Variants in STXBP5L observed in about 807,000 individuals in gnomAD.
STXBP5L encodes the protein syntaxin-binding protein 5-like.
STXBP5L carries 65 observed loss-of-function variants against 144.5 expected under a neutral mutation model. That is an observed-to-expected ratio of 0.45 (90% confidence interval 0.37 to 0.55). The LOEUF is 0.55. STXBP5L is among the 20% of genes least tolerant of loss of function. The pLI is 0.00. For missense variants in STXBP5L, 1,298 were observed against 1,405.5 expected (o/e 0.92, Z 1.22); for synonymous variants, 505 against 469.6 (o/e 1.08, Z -0.97).
chr3:121,136,315 C>A (rs987845662), intron 7 of STXBP5L, among the ~76,000 whole-genome samples: 1 of 152,164 alleles, frequency 6.6e-6, no homozygotes, highest in Non-Finnish European at 1.5e-5. Flanking sequence ...CTCCCCACCA[C>A]AGCTCCTGAC....
intron 3 of STXBP5L, among the ~76,000 whole-genome samples, chr3:120,967,905 C>T (rs1014696440): frequency 2.0e-5 from 3 of 152,044 alleles, no homozygotes; most frequent in Admixed American, 6.6e-5. Context: ...TGATTTTGTA[C>T]AGTTTCTGAT....
chr3:121,069,373 G>C (rs1255072490), intron 5 of STXBP5L, among the ~76,000 whole-genome samples: 1 of 152,012 alleles, frequency 6.6e-6, no homozygotes, highest in Non-Finnish European at 1.5e-5. Flanking sequence ...AGTGACTACA[G>C]TTTATTTAAC....
chr3:121,007,610 A>T (rs927666250), intron 3 of STXBP5L, among the ~76,000 whole-genome samples: 1 of 152,072 alleles, frequency 6.6e-6, no homozygotes, highest in Non-Finnish European at 1.5e-5. Flanking sequence ...ACTCTGTTAA[A>T]TCATTACTTG....
chr3:121,122,724 T>G (rs1029709683), intron 7 of STXBP5L, among the ~76,000 whole-genome samples: 5 of 151,452 alleles, frequency 3.3e-5, no homozygotes, highest in Non-Finnish European at 5.9e-5. Context: ...TAATAAACAT[T>G]AAAATTACAA....
chr3:121,292,295 C>T (rs1284008823), intron 19 of STXBP5L, among the ~76,000 whole-genome samples: 1 of 151,936 alleles, frequency 6.6e-6, no homozygotes, highest in African/African-American at 2.4e-5. Context: ...CGTAAAAATG[C>T]TTATCACTAA....
Position 121,348,661 on chromosome 3 carries a change from C to T in STXBP5L, c.2177-30055C>T, listed in dbSNP as rs1194403440. ...CCTGTTATTGGTCTATTCAGAGATT[C>T]AACTTCTTCCTGGTTTAGTCTTGGG... On this transcript the variant is annotated intron_variant, in intron 20 of 26. Coordinates refer to ENST00000471454, the MANE Select transcript of STXBP5L (RefSeq NM_001308330.2). Among the ~76,000 whole-genome samples, 5 of 152,098 alleles carry T rather than the reference C, an allele frequency of 3.3e-5. 1 individual carries two copies. In the South Asian group the frequency reaches 6.3e-4, roughly 19 times the overall value.
intron 11 of STXBP5L, among the ~76,000 whole-genome samples, chr3:121,223,447 T>C (rs1031080470): frequency 6.6e-6 from 1 of 152,144 alleles, no homozygotes; most frequent in Non-Finnish European, 1.5e-5. Flanking sequence ...GTGAAATCAC[T>C]TGGGGAAGCT....
chr3:121,165,120 T>C (rs776703113), intron 9 of STXBP5L, among the ~76,000 whole-genome samples: 4 of 152,254 alleles, frequency 2.6e-5, no homozygotes, highest in Non-Finnish European at 4.4e-5. Flanking sequence ...GTACATTCCA[T>C]AACGTCATGT....
At chr3:121,237,008 T>C (rs1039048242) in intron 12 of STXBP5L, among the ~76,000 whole-genome samples, 10 of 152,182 alleles carry the variant, frequency 6.6e-5, no homozygotes, top group African/African-American at 2.2e-4. Flanking sequence ...CCTGGGAACA[T>C]TGGTGCAAGG....
At chr3:121,031,135 TG>T (rs1211530160) in intron 3 of STXBP5L, among the ~76,000 whole-genome samples, 1 of 152,032 alleles carries the variant, frequency 6.6e-6, no homozygotes, top group Non-Finnish European at 1.5e-5. Flanking sequence ...ATAAACCACA[TG>T]ATTAAAACCC....
chr3:121,366,339 G>T (rs1249164471), intron 20 of STXBP5L, among the ~76,000 whole-genome samples: 2 of 151,822 alleles, frequency 1.3e-5, no homozygotes, highest in Non-Finnish European at 2.9e-5. Flanking sequence ...CTATTTTTCA[G>T]TGTGGAATAT....
chr3:121,255,202 TG>T (rs2050164996), intron 16 of STXBP5L, 90 bp downstream of exon 16: 9 of 978,246 alleles, frequency 9.2e-6, no homozygotes, highest in Middle Eastern at 3.0e-4. Flanking sequence ...ATGGTTTCCA[TG>T]AAGTGTGCAG....
intron 7 of STXBP5L, 130 bp from the exon 8 acceptor site, chr3:121,152,347 G>T: frequency 1.5e-6 from 1 of 662,202 alleles, no homozygotes; most frequent in Non-Finnish European, 2.4e-6. Context: ...CTATATTCAA[G>T]TTCTAGAAAA....
chr3:121,131,992 T>C (rs1577031325), intron 7 of STXBP5L, among the ~76,000 whole-genome samples: 1 of 152,250 alleles, frequency 6.6e-6, no homozygotes, highest in East Asian at 1.9e-4. Context: ...AAGGAGAGAT[T>C]TCCTAGGTTG....
chr3:120,941,991 G>T (rs190986715), intron 2 of STXBP5L, among the ~76,000 whole-genome samples: 1 of 151,872 alleles, frequency 6.6e-6, no homozygotes. Flanking sequence ...AAGCTGTGGT[G>T]TTGGCTTAGC....
At chr3:121,302,727 C>A (rs1324523759) in intron 19 of STXBP5L, among the ~76,000 whole-genome samples, 1 of 152,108 alleles carries the variant, frequency 6.6e-6, no homozygotes, top group Non-Finnish European at 1.5e-5. Flanking sequence ...AATAATGCCA[C>A]CTGTCTACAA....
intron 20 of STXBP5L, among the ~76,000 whole-genome samples, chr3:121,344,108 A>G (rs1420542570): frequency 6.6e-6 from 1 of 152,002 alleles, no homozygotes; most frequent in Middle Eastern, 3.4e-3. Context: ...ATCTACAACT[A>G]TCTGATCTTT....
chr3:121,373,460 A>G (rs1238899543), intron 20 of STXBP5L, among the ~76,000 whole-genome samples: 1 of 152,114 alleles, frequency 6.6e-6, no homozygotes, highest in Non-Finnish European at 1.5e-5. Flanking sequence ...CCATTTTGAG[A>G]GCAGAGTAAA....
intron 21 of STXBP5L, among the ~76,000 whole-genome samples, chr3:121,379,880 G>A (rs2046284263): frequency 6.6e-6 from 1 of 152,098 alleles, no homozygotes; most frequent in African/African-American, 2.4e-5. Context: ...TGTTGCTGAG[G>A]TTGGATTACA....
Sources: allele counts gnomAD v4.1 joint callset (sites outside exome capture counted in the v4.1 genomes callset), GRCh38; gene constraint gnomAD v4.1.1; transcripts MANE v1.5; gene names NCBI Gene and HGNC (gene_info 2026-07-23, HGNC 2026-07-21).